The following RFK variants were observed in gnomAD, a reference collection of about 807,000 sequenced individuals.
RFK encodes the protein riboflavin kinase.
In RFK, 4 loss-of-function variants were observed where a neutral mutation model predicts 17.6. That is an observed-to-expected ratio of 0.23 (90% confidence interval 0.11 to 0.52). The LOEUF (loss-of-function observed/expected upper bound fraction) is 0.52. Among genes scored for constraint, RFK ranks in the 20% least tolerant of loss-of-function variants. RFK has a pLI of 0.96. For missense variants in RFK, 189 were observed against 187.7 expected (o/e 1.01, Z -0.04); for synonymous variants, 59 against 63.8 (o/e 0.92, Z 0.36).
In RFK at chr9:76,394,204, C is replaced by G. The variant is rs763491229; in HGVS notation, c.-33G>C. On this transcript the variant is annotated 5_prime_UTR_variant, in exon 1 of 4. Transcript: ENST00000376736. Reference sequence around the variant, plus strand: ...TCCGCTCGGGGAATGGGCTGCGGCCCGGTCTGCGCGTCCTGCGGAGCCGCC... The same window carrying G: ...TCCGCTCGGGGAATGGGCTGCGGCCGGGTCTGCGCGTCCTGCGGAGCCGCC... The G allele has an allele frequency of 2.6e-6, 4 of 1,555,512 alleles. No individual in the cohort carries two copies. In the African/African-American group the frequency reaches 5.5e-5, roughly 21 times the overall value.
intron 2 of RFK, among the ~76,000 whole-genome samples, chr9:76,391,491 T>TAA (rs1822820324): frequency 6.6e-6 from 1 of 152,226 alleles, no homozygotes. Context: ...ATCCATGTAG[T>TAA]AAACTGTTTT....
Position 76,394,364 on chromosome 9 carries a change from T to C in RFK, c.-193A>G, listed in dbSNP as rs1822864138. The C allele has an allele frequency of 6.3e-6, 3 of 477,410 alleles. No individual in the cohort carries two copies. Among genetic ancestry groups the C allele is most frequent in the Non-Finnish European group, 1.1e-5 (3 of 274,430 alleles). 29.6% of individuals were successfully genotyped at this position (477,410 alleles called of 1,614,324 possible). The stretch of plus-strand genomic sequence containing the variant: ...TCCCTGACGCCGCCGACCCAACAAA[T>C]ACCGCCGGGCGCCTGAGGAGCTGCG... On this transcript the variant is annotated 5_prime_UTR_variant, in exon 1 of 4. Transcript: ENST00000376736.
intron 3 of RFK, 196 bp from the exon 4 acceptor site, chr9:76,387,725 G>T: frequency 4.2e-6 from 2 of 478,256 alleles, no homozygotes; most frequent in Non-Finnish European, 7.3e-6. Flanking sequence ...CTAGGCCGGG[G>T]GCAGTGGCTC....
chr9:76,386,548 C>G lies in RFK; in HGVS notation c.*851G>C, dbSNP rs1242170977. 1 of 151,904 alleles carries G rather than the reference C, an allele frequency of 6.6e-6. No homozygotes were observed. Among genetic ancestry groups the G allele is most frequent in the Non-Finnish European group, 1.5e-5 (1 of 67,958 alleles). The allele number at this position is 151,904 out of a possible 1,614,324, so 9.4% of individuals were successfully genotyped here. ...AGAACCAAAGAAAAATGTTGAAGAA[C>G]AAGAATATTTACCATTAAAAAGAAG... On this transcript the variant is annotated 3_prime_UTR_variant, in exon 4 of 4. Coordinates refer to ENST00000376736, the MANE Select transcript of RFK (RefSeq NM_018339.6).
intron 1 of RFK, 114 bp from the exon 2 acceptor site, chr9:76,392,683 G>A: frequency 9.9e-7 from 1 of 1,006,766 alleles, no homozygotes; most frequent in African/African-American, 1.6e-5. Flanking sequence ...AAGGCAGGAG[G>A]CTCATGTTGA....
chr9:76,391,631 CACAG>C (rs1362114445), intron 2 of RFK, among the ~76,000 whole-genome samples: 2 of 152,160 alleles, frequency 1.3e-5, no homozygotes, highest in Non-Finnish European at 2.9e-5. Flanking sequence ...GTGAGTCTTT[CACAG>C]ACAGCAATTA....
chr9:76,391,108 G>C (rs143475639), intron 2 of RFK, among the ~76,000 whole-genome samples: 1 of 151,996 alleles, frequency 6.6e-6, no homozygotes, highest in African/African-American at 2.4e-5. Flanking sequence ...GTGATCTTTC[G>C]ATTGTTTTCC....
chr9:76,394,422 T>A lies in RFK; in HGVS notation c.-251A>T. On this transcript the variant is annotated 5_prime_UTR_variant, in exon 1 of 4. Coordinates refer to ENST00000376736, the MANE Select transcript of RFK (RefSeq NM_018339.6). ...TGGAGGGCAGCGGAGACAGCCGAAG[T>A]AAGTGCCGGGTGTGAGCGGGGTGGG... is the stretch of plus-strand genomic sequence containing the variant. 1 of 405,970 alleles carries A rather than the reference T, an allele frequency of 2.5e-6. No homozygotes were observed. The highest frequency in any genetic ancestry group is 4.4e-6 in the Non-Finnish European group (1 of 229,502). 25.1% of individuals were successfully genotyped at this position (405,970 alleles called of 1,614,324 possible).
intron 3 of RFK, 81 bp downstream of exon 3, chr9:76,388,473 C>T: frequency 1.2e-6 from 1 of 838,588 alleles, no homozygotes; most frequent in Non-Finnish European, 2.0e-6. Context: ...ATCTGTCCTG[C>T]CATCATTATT....
chr9:76,394,147 G>T lies in RFK; in HGVS notation c.25C>A (p.Arg9=). The change falls in exon 1 of 4, where the codon CGG becomes AGG. Residue 9 remains arginine, a synonymous_variant. Transcript: ENST00000376736. MRHLPYFC[R]GQVVRGFGRG... is the part of the protein sequence containing the mutation. ...CCGAAGCCCCGCACCACTTGACCCC[G>T]GCAGAAGTAAGGCAGGTGCCTCATA... The T allele has an allele frequency of 1.2e-6, 2 of 1,609,084 alleles. No homozygotes were observed. Among genetic ancestry groups the T allele is most frequent in the South Asian group, 2.2e-5 (2 of 90,092 alleles).
chr9:76,390,726 C>CCACACA (rs36105508), intron 2 of RFK, among the ~76,000 whole-genome samples: 2 of 125,598 alleles, frequency 1.6e-5, no homozygotes, highest in African/African-American at 5.6e-5. Context: ...AAAAAAAAAA[C>CCACACA]CACACACACA....
intron 2 of RFK, among the ~76,000 whole-genome samples, chr9:76,390,148 T>C (rs1189562746): frequency 6.6e-6 from 1 of 152,216 alleles, no homozygotes; most frequent in African/African-American, 2.4e-5. Flanking sequence ...TTTCAATGAA[T>C]AGGCTGGGTC....
rs758374861 is a variant in RFK at position 76,385,758 on chromosome 9, A to C, written c.*1641T>G. Reference sequence around the variant, plus strand: ...CACCTAAAGATAGCATTTAGCAGCAAGTTAGTCAGACAAAACAAACACAAA... The same window carrying C: ...CACCTAAAGATAGCATTTAGCAGCACGTTAGTCAGACAAAACAAACACAAA... On this transcript the variant is annotated 3_prime_UTR_variant, in exon 4 of 4. Coordinates refer to ENST00000376736, the MANE Select transcript of RFK (RefSeq NM_018339.6). 1 of 152,244 alleles carries C rather than the reference A, an allele frequency of 6.6e-6. No homozygotes were observed. The highest frequency in any genetic ancestry group is 6.5e-5 in the Admixed American group (1 of 15,286). The allele number at this position is 152,244 out of a possible 1,614,324, so 9.4% of individuals were successfully genotyped here. A position where few individuals can be genotyped will look rare whatever the true frequency, so the allele number is the denominator to read the frequency against.
chr9:76,390,741 C>CAG (rs1554728134), intron 2 of RFK, among the ~76,000 whole-genome samples: 1 of 144,440 alleles, frequency 6.9e-6, no homozygotes, highest in East Asian at 2.0e-4. Context: ...CACACACACA[C>CAG]AATGAAAGAA....
In RFK at chr9:76,392,531, C is replaced by G; in HGVS notation, c.121G>C (p.Asp41His). Residue 41 changes from aspartate to histidine, a missense_variant, in exon 2 of 4, where the codon GAT becomes CAT. Asp to His is a moderately conservative substitution (Grantham distance 81, BLOSUM62 -1). Transcript: ENST00000376736. ...PEQVVDNLPADISTGIYYGWA... is the reference protein window; with the variant it reads ...PEQVVDNLPAHISTGIYYGWA... ...CCATAGTAAATACCAGTGGATATAT[C>G]AGCTGGAAGATTATCTACCACTTGC... The G allele has an allele frequency of 1.9e-6, 3 of 1,614,170 alleles. No individual in the cohort carries two copies. Among genetic ancestry groups the G allele is most frequent in the Non-Finnish European group, 2.5e-6 (3 of 1,180,010 alleles).
intron 2 of RFK, among the ~76,000 whole-genome samples, chr9:76,391,687 T>C (rs1822822174): frequency 6.6e-6 from 1 of 152,226 alleles, no homozygotes; most frequent in African/African-American, 2.4e-5. Context: ...CTCCACTCTT[T>C]ATTTTCTACA....
At chr9:76,389,900 TAGC>T (rs1170978643) in intron 2 of RFK, among the ~76,000 whole-genome samples, 1 of 152,208 alleles carries the variant, frequency 6.6e-6, no homozygotes, top group Admixed American at 6.5e-5. Context: ...ATCAAAATCC[TAGC>T]AGGTTTTTTA....
Position 76,387,273 on chromosome 9 carries a change from C to T in RFK, c.*126G>A, listed in dbSNP as rs144129826. 6.6e-4 allele frequency: 543 copies of T among 817,884 alleles called. 1 individual carries two copies. The highest frequency in any genetic ancestry group is 4.6e-3 in the Middle Eastern group (12 of 2,628). The allele number at this position is 817,884 out of a possible 1,614,324, so 50.7% of individuals were successfully genotyped here. On this transcript the variant is annotated 3_prime_UTR_variant, in exon 4 of 4. Coordinates refer to ENST00000376736, the MANE Select transcript of RFK (RefSeq NM_018339.6). The stretch of plus-strand genomic sequence containing the variant: ...AGCATGATATGATAACAACATTGTA[C>T]GGTTTAAACTAATTCACAACTGTAG...
At chr9:76,393,972 G>A (rs969881746) in intron 1 of RFK, 118 bp downstream of exon 1, 3 of 887,866 alleles carry the variant, frequency 3.4e-6, no homozygotes, top group Admixed American at 2.4e-5. Context: ...GAGGAGGAAG[G>A]GTGTGCTCTC....
Sources: gnomAD v4.1 joint callset for allele counts (sites outside exome capture counted in the v4.1 genomes callset) on GRCh38, gnomAD v4.1.1 for gene constraint, MANE v1.5 for transcripts, NCBI Gene and HGNC (gene_info 2026-07-23, HGNC 2026-07-21) for gene names.